The following TLCD4 variants were observed in gnomAD, a reference collection of about 807,000 sequenced individuals.
TLCD4 encodes TLC domain containing 4, also known as TLC domain-containing protein 4.
TLCD4 carries 7 observed loss-of-function variants against 24.2 expected under a neutral mutation model. That is an observed-to-expected ratio of 0.29 (90% CI 0.16 to 0.54). TLCD4 has a LOEUF of 0.54. TLCD4 is among the 20% of genes least tolerant of loss of function. The pLI is 0.95. For synonymous variants in TLCD4, 103 were observed against 106.4 expected (o/e 0.97, Z 0.20); for missense variants, 259 against 313.9 (o/e 0.82, Z 1.32).
intron 6 of TLCD4, among the ~76,000 whole-genome samples, chr1:95,176,713 T>C (rs962662930): frequency 2.6e-5 from 4 of 152,216 alleles, no homozygotes; most frequent in Non-Finnish European, 5.9e-5. Flanking sequence ...ATCCAAAAAA[T>C]CATTGCCAAG....
intron 1 of TLCD4, among the ~76,000 whole-genome samples, chr1:95,118,779 G>C (rs1192314972): frequency 2.0e-5 from 3 of 152,132 alleles, no homozygotes; most frequent in Non-Finnish European, 4.4e-5. Flanking sequence ...TTTTATCCTT[G>C]CTTATCTTTT....
intron 5 of TLCD4, among the ~76,000 whole-genome samples, chr1:95,154,685 C>T (rs565667960): frequency 6.6e-6 from 1 of 152,008 alleles, no homozygotes; most frequent in Admixed American, 6.6e-5. Context: ...TGTGTGTTAG[C>T]TCAAACCTTC....
intron 6 of TLCD4, among the ~76,000 whole-genome samples, chr1:95,181,603 ATTTT>A (rs962212709): frequency 3.4e-5 from 5 of 147,018 alleles, no homozygotes; most frequent in Admixed American, 6.6e-5. Context: ...TTATTTATTT[ATTTT>A]TTTTTTTGAG....
At chr1:95,153,476 A>G (rs1169038850) in intron 5 of TLCD4, among the ~76,000 whole-genome samples, 1 of 152,190 alleles carries the variant, frequency 6.6e-6, no homozygotes, top group Non-Finnish European at 1.5e-5. Context: ...ATAAATGTTA[A>G]GTTTTGCATT....
chr1:95,177,982 G>T (rs1678493471), intron 6 of TLCD4, among the ~76,000 whole-genome samples: 1 of 138,980 alleles, frequency 7.2e-6, no homozygotes, highest in Non-Finnish European at 1.5e-5. Context: ...ATAGAGTCTC[G>T]CTCCATCGTC....
chr1:95,101,142 C>T, the TLCD4 span, among the ~76,000 whole-genome samples: 2 of 151,940 alleles, frequency 1.3e-5, no homozygotes, highest in Admixed American at 6.6e-5. Flanking sequence ...CTTCTGACCT[C>T]GTGATCCACC....
In TLCD4 at chr1:95,150,217, A is replaced by G. The variant is rs1677457253; in HGVS notation, c.255A>G (p.Pro85=). 1 of 1,608,060 alleles carries G rather than the reference A, an allele frequency of 6.2e-7. No homozygotes were observed. Among genetic ancestry groups the G allele is most frequent in the Non-Finnish European group, 8.5e-7 (1 of 1,178,960 alleles). ...CTTTTTTTTTTTTCAGGGGTGGTCC[A>G]TCACTTGCAAACGTGAATATTGCTA... ...ATKADPLWGG[P]SLANVNIAIA... The change falls in exon 4 of 7, where the codon CCA becomes CCG. Residue 85 remains proline, a synonymous_variant. Transcript: ENST00000370203.
the TLCD4 span, among the ~76,000 whole-genome samples, chr1:95,095,402 T>A: frequency 6.6e-6 from 1 of 152,082 alleles, no homozygotes; most frequent in East Asian, 1.9e-4. Context: ...TTATTTTTAT[T>A]TTTATTTTTA....
the TLCD4 span, among the ~76,000 whole-genome samples, chr1:95,097,953 G>A: frequency 6.6e-4 from 100 of 152,258 alleles, 1 homozygote; most frequent in East Asian, 0.018. Context: ...GCATCAGTAA[G>A]TGTATTTCAT....
chr1:95,105,949 C>T, the TLCD4 span, among the ~76,000 whole-genome samples: 4 of 146,070 alleles, frequency 2.7e-5, no homozygotes, highest in Middle Eastern at 3.6e-3. Flanking sequence ...AGAAAGAAGA[C>T]TACTGCAAAG....
rs1395964123 is a variant in TLCD4, at chr1:95,192,595, T to A, written c.*727T>A. 1 of 152,238 alleles carries A rather than the reference T, an allele frequency of 6.6e-6. No individual in the cohort carries two copies. Among genetic ancestry groups the A allele is most frequent in the Admixed American group, 6.5e-5 (1 of 15,292 alleles). 9.4% of individuals were successfully genotyped at this position (152,238 alleles called of 1,614,324 possible). Reference sequence around the variant, plus strand: ...CTCTTAACATTTGTTGTATGCACTCTTTTCTTACTATGGCTGTCAACACTT... The same window carrying A: ...CTCTTAACATTTGTTGTATGCACTCATTTCTTACTATGGCTGTCAACACTT... On this transcript the variant is annotated 3_prime_UTR_variant, in exon 7 of 7. Coordinates refer to ENST00000370203, the MANE Select transcript of TLCD4 (RefSeq NM_152487.3).
Position 95,194,294 on chromosome 1 carries a change from A to C in TLCD4, c.*2426A>C, listed in dbSNP as rs1679123940. ...TGAAGTAGGTTCTATATATTTCCTC[A>C]TACAACAGACATGGAATGGAAATGC... is the stretch of plus-strand genomic sequence containing the variant. On this transcript the variant is annotated 3_prime_UTR_variant, in exon 7 of 7. Coordinates refer to ENST00000370203, the MANE Select transcript of TLCD4 (RefSeq NM_152487.3). 1 of 152,140 alleles carries C rather than the reference A, an allele frequency of 6.6e-6. No individual in the cohort carries two copies. Among genetic ancestry groups the C allele is most frequent in the African/African-American group, 2.4e-5 (1 of 41,448 alleles). The allele number at this position is 152,140 out of a possible 1,614,324, so 9.4% of individuals were successfully genotyped here.
intron 1 of TLCD4, among the ~76,000 whole-genome samples, chr1:95,119,247 A>G (rs188670511): frequency 7.0e-4 from 106 of 152,336 alleles, no homozygotes; most frequent in African/African-American, 2.3e-3. Flanking sequence ...CTAGGTCTTC[A>G]CTGGAGTCTT....
chr1:95,108,850 A>G, the TLCD4 span, among the ~76,000 whole-genome samples: 2 of 152,182 alleles, frequency 1.3e-5, no homozygotes, highest in East Asian at 3.8e-4. Context: ...GGAAATCCCA[A>G]AGTATTAATT....
At chr1:95,101,641 C>CT in the TLCD4 span, among the ~76,000 whole-genome samples, 1 of 152,058 alleles carries the variant, frequency 6.6e-6, no homozygotes, top group Non-Finnish European at 1.5e-5. Flanking sequence ...TTGTTTTTGT[C>CT]TTTTTAACAT....
At chr1:95,100,302 C>T in the TLCD4 span, among the ~76,000 whole-genome samples, 11 of 152,028 alleles carry the variant, frequency 7.2e-5, no homozygotes, top group African/African-American at 1.9e-4. Flanking sequence ...TGGCTGGGTG[C>T]GGTGGCTCAC....
chr1:95,151,439 G>C lies in TLCD4; in HGVS notation c.399+20G>C. 2 of 1,607,896 alleles carry C rather than the reference G, an allele frequency of 1.2e-6. No individual in the cohort carries two copies. Among genetic ancestry groups the C allele is most frequent in the Non-Finnish European group, 1.7e-6 (2 of 1,176,638 alleles). On this transcript the variant is annotated intron_variant, in intron 5 of 6. Transcript: ENST00000370203. ...GTACTGGTGAGTTCCAGGATTTTCT[G>C]TAGCCTAACTAGCAGACAAGATTGG...
chr1:95,131,398 G>A (rs903480363), intron 1 of TLCD4, among the ~76,000 whole-genome samples: 68 of 152,214 alleles, frequency 4.5e-4, no homozygotes, highest in Admixed American at 5.9e-4. Flanking sequence ...AGAGAAAGAA[G>A]GCCATGTTAG....
At chr1:95,185,853 G>C (rs1478970925) in intron 6 of TLCD4, among the ~76,000 whole-genome samples, 2 of 152,186 alleles carry the variant, frequency 1.3e-5, no homozygotes, top group African/African-American at 2.4e-5. Flanking sequence ...TGTGTGGGGA[G>C]TCAGCACCCC....
Sources: allele counts gnomAD v4.1 joint callset (sites outside exome capture counted in the v4.1 genomes callset), GRCh38; gene constraint gnomAD v4.1.1; transcripts MANE v1.5; gene names NCBI Gene and HGNC (gene_info 2026-07-23, HGNC 2026-07-21).